The following ZDHHC14 variants were observed in gnomAD, a reference collection of about 807,000 sequenced individuals.
ZDHHC14 encodes the protein palmitoyltransferase ZDHHC14.
A neutral mutation model predicts 47.7 loss-of-function variants in ZDHHC14; 16 were observed. The ratio of observed to expected loss-of-function variants is 0.34; its 90% confidence interval spans 0.23 to 0.51. The LOEUF is 0.51. Ranked by LOEUF, ZDHHC14 falls within the 20% of genes least tolerant of loss-of-function variation. The probability of loss-of-function intolerance (pLI) is 0.97; values close to 1 mark genes in which losing one functional copy is unlikely to be tolerated. For missense variants in ZDHHC14, 515 were observed against 662.5 expected (o/e 0.78, Z 2.44); for synonymous variants, 293 against 278.9 (o/e 1.05, Z -0.50).
At chr6:157,436,401 G>A (rs1329692897) in intron 1 of ZDHHC14, among the ~76,000 whole-genome samples, 2 of 152,134 alleles carry the variant, frequency 1.3e-5, no homozygotes, top group Non-Finnish European at 2.9e-5. Context: ...ACCAGACAAT[G>A]GGAGAGCATG....
intron 1 of ZDHHC14, among the ~76,000 whole-genome samples, chr6:157,418,337 A>G (rs925751589): frequency 6.6e-6 from 1 of 152,176 alleles, no homozygotes; most frequent in Non-Finnish European, 1.5e-5. Flanking sequence ...TTTGCAGAAT[A>G]TTCCCAAATT....
intron 1 of ZDHHC14, among the ~76,000 whole-genome samples, chr6:157,522,773 C>T (rs1431578234): frequency 9.9e-6 from 1 of 101,210 alleles, no homozygotes; most frequent in East Asian, 2.8e-4. Flanking sequence ...CCCTTCTTTC[C>T]TCCATCTCTC....
At chr6:157,652,676 CAAGAAG>C (rs1454062162) in intron 7 of ZDHHC14, among the ~76,000 whole-genome samples, 2 of 152,190 alleles carry the variant, frequency 1.3e-5, no homozygotes, top group Non-Finnish European at 2.9e-5. Context: ...TTCATTCCAT[CAAGAAG>C]AATTTTGCGC....
intron 3 of ZDHHC14, among the ~76,000 whole-genome samples, chr6:157,596,979 T>A (rs1022763050): frequency 6.6e-6 from 1 of 152,170 alleles, no homozygotes; most frequent in Non-Finnish European, 1.5e-5. Context: ...TCGACGTGAA[T>A]GTATTTTCTG....
At chr6:157,419,393 C>CA (rs1401473303) in intron 1 of ZDHHC14, among the ~76,000 whole-genome samples, 1 of 152,126 alleles carries the variant, frequency 6.6e-6, no homozygotes, top group Non-Finnish European at 1.5e-5. Context: ...CTGTATCAAA[C>CA]AAAAAAGCCT....
intron 3 of ZDHHC14, among the ~76,000 whole-genome samples, chr6:157,613,030 T>A (rs1303486862): frequency 6.6e-6 from 1 of 152,052 alleles, no homozygotes; most frequent in South Asian, 2.1e-4. Context: ...TTAAAAAAAA[T>A]TAAGTCTGAT....
chr6:157,568,256 A>G (rs1782979648), intron 2 of ZDHHC14, among the ~76,000 whole-genome samples: 1 of 152,232 alleles, frequency 6.6e-6, no homozygotes. Context: ...ATATATGTCC[A>G]TTATAGAATC....
intron 1 of ZDHHC14, among the ~76,000 whole-genome samples, chr6:157,529,782 A>G (rs956376730): frequency 6.6e-6 from 1 of 152,208 alleles, no homozygotes; most frequent in African/African-American, 2.4e-5. Context: ...AGAGTGCAAA[A>G]CAGAAGTGTA....
chr6:157,590,676 G>T (rs1367387395), intron 2 of ZDHHC14, among the ~76,000 whole-genome samples: 2 of 152,192 alleles, frequency 1.3e-5, no homozygotes, highest in Non-Finnish European at 2.9e-5. Flanking sequence ...TGTGGGGTCA[G>T]AGCCCCCACA....
At chr6:157,643,652 T>A (rs1260753245) in intron 5 of ZDHHC14, among the ~76,000 whole-genome samples, 4 of 101,358 alleles carry the variant, frequency 3.9e-5, no homozygotes, top group African/African-American at 1.7e-4. Context: ...TCATCTCAAA[T>A]ATATATATAT....
chr6:157,563,595 CAA>C (rs2114845056), intron 2 of ZDHHC14, among the ~76,000 whole-genome samples: 1 of 152,310 alleles, frequency 6.6e-6, no homozygotes, highest in South Asian at 2.1e-4. Context: ...GTATCCAGAA[CAA>C]AGCTGGTCAC....
At chr6:157,581,504 A>T (rs1330979514) in intron 2 of ZDHHC14, among the ~76,000 whole-genome samples, 1 of 151,944 alleles carries the variant, frequency 6.6e-6, no homozygotes, top group Non-Finnish European at 1.5e-5. Flanking sequence ...ATGATCTAAT[A>T]CTGTCAGTGG....
At chr6:157,524,592 A>G (rs1781092715) in intron 1 of ZDHHC14, among the ~76,000 whole-genome samples, 2 of 152,186 alleles carry the variant, frequency 1.3e-5, no homozygotes, top group South Asian at 4.1e-4. Flanking sequence ...TTTCTTGGTC[A>G]TTGTTTCTGT....
chr6:157,537,648 A>G (rs1365655729), intron 1 of ZDHHC14, among the ~76,000 whole-genome samples: 1 of 152,200 alleles, frequency 6.6e-6, no homozygotes, highest in East Asian at 1.9e-4. Flanking sequence ...TGAGACAGAA[A>G]TAGGATTCCA....
chr6:157,626,080 C>G (rs1554275031), intron 3 of ZDHHC14, among the ~76,000 whole-genome samples: 1 of 152,182 alleles, frequency 6.6e-6, no homozygotes, highest in Non-Finnish European at 1.5e-5. Flanking sequence ...AACCTGCCTG[C>G]TATGGTAGAA....
chr6:157,598,269 T>C (rs1784209151), intron 3 of ZDHHC14, among the ~76,000 whole-genome samples: 1 of 152,156 alleles, frequency 6.6e-6, no homozygotes, highest in Non-Finnish European at 1.5e-5. Flanking sequence ...TGTAACTATT[T>C]GGGTATGATG....
At chr6:157,459,802 T>C (rs991770786) in intron 1 of ZDHHC14, among the ~76,000 whole-genome samples, 3 of 152,156 alleles carry the variant, frequency 2.0e-5, no homozygotes, top group African/African-American at 7.2e-5. Context: ...TGGCCAGGCA[T>C]GGTGGCTCAC....
At chr6:157,416,972 G>GT (rs71027335) in intron 1 of ZDHHC14, among the ~76,000 whole-genome samples, 1,364 of 45,526 alleles carry the variant, frequency 0.03, 274 homozygotes, top group African/African-American at 0.13. Flanking sequence ...TGCCTGGCTA[G>GT]TTTTTTTTTT....
chr6:157,515,135 C>T (rs535385495), intron 1 of ZDHHC14, among the ~76,000 whole-genome samples: 25 of 152,096 alleles, frequency 1.6e-4, no homozygotes, highest in Non-Finnish European at 2.8e-4. Flanking sequence ...TGAGCACTCA[C>T]GGGGAGAGAG....
Sources: gnomAD v4.1 joint callset for allele counts (sites outside exome capture counted in the v4.1 genomes callset) on GRCh38, gnomAD v4.1.1 for gene constraint, MANE v1.5 for transcripts, NCBI Gene and HGNC (gene_info 2026-07-23, HGNC 2026-07-21) for gene names.